The following ESR1 variants were observed in gnomAD, a reference collection of about 807,000 sequenced individuals.
The protein encoded by ESR1 is estrogen receptor.
Under a neutral mutation model 52.7 loss-of-function variants are expected in ESR1, and 12 were observed. The ratio of observed to expected loss-of-function variants is 0.23; its 90% confidence interval spans 0.15 to 0.37. The LOEUF is 0.37. Among genes scored for constraint, ESR1 ranks in the 10% least tolerant of loss-of-function variants. The pLI, the probability that ESR1 is intolerant of heterozygous loss-of-function variation, is 1.00. For synonymous variants in ESR1, 305 were observed against 316.8 expected (o/e 0.96, Z 0.39); for missense variants, 584 against 779.7 (o/e 0.75, Z 2.99).
At chr6:152,118,703 C>G (rs2051239565) in intron 6 of ESR1, among the ~76,000 whole-genome samples, 1 of 152,022 alleles carries the variant, frequency 6.6e-6, no homozygotes, top group Non-Finnish European at 1.5e-5. Context: ...ATAGGTGCAG[C>G]AAACCACCAT....
chr6:151,894,009 C>T (rs1795080735), intron 3 of ESR1, among the ~76,000 whole-genome samples: 1 of 152,190 alleles, frequency 6.6e-6, no homozygotes. Context: ...TTTACATTCC[C>T]ACCAGCAGTA....
chr6:152,103,120 C>T lies in ESR1; in HGVS notation c.*4154C>T, dbSNP rs1183441202. ...GCCCTTTTGCCGATGCATACTATTA[C>T]TGATGTGACTCGGTTTTGTCGCAGC... On this transcript the variant is annotated 3_prime_UTR_variant, in exon 8 of 8. Coordinates refer to ENST00000206249, the MANE Select transcript of ESR1 (RefSeq NM_000125.4). 1 of 215,092 alleles carries T rather than the reference C, an allele frequency of 4.6e-6. No homozygotes were observed. Among genetic ancestry groups the T allele is most frequent in the Non-Finnish European group, 9.4e-6 (1 of 106,412 alleles). 13.3% of individuals were successfully genotyped at this position (215,092 alleles called of 1,614,324 possible). A position where few individuals can be genotyped will look rare whatever the true frequency, so the allele number is the denominator to read the frequency against.
rs552648787 is a variant in ESR1, at chr6:151,736,165, T to G, written c.-71+34160T>G. 5.3e-4 allele frequency among the ~76,000 whole-genome samples: 80 copies of G among 152,294 alleles called. 1 individual carries two copies. The highest frequency in any genetic ancestry group is 2.5e-3 in the South Asian group (12 of 4,818). On this transcript the variant is annotated intron_variant, in intron 2 of 2. Coordinates refer to the ESR1 transcript ENST00000404742. ...CCTTTTTAAACTTGGAAGGCCAAAT[T>G]AATACTGTCCTTTCCATTATAAGAA...
intron 3 of ESR1, among the ~76,000 whole-genome samples, chr6:151,928,285 G>A (rs990117249): frequency 3.3e-5 from 5 of 152,074 alleles, no homozygotes; most frequent in Non-Finnish European, 7.3e-5. Flanking sequence ...TCCCTTAAAT[G>A]TGCTCAGAAC....
intron 1 of ESR1, among the ~76,000 whole-genome samples, chr6:151,815,853 T>C (rs1365932405): frequency 6.6e-6 from 1 of 152,236 alleles, no homozygotes; most frequent in African/African-American, 2.4e-5. Flanking sequence ...CCTCAGACTA[T>C]AAACAAGTGT....
chr6:151,799,154 T>C (rs1391455145), intron 2 of ESR1, among the ~76,000 whole-genome samples: 4 of 152,218 alleles, frequency 2.6e-5, no homozygotes, highest in African/African-American at 7.2e-5. Context: ...ATGCGGCATC[T>C]ACCCAGAGAG....
chr6:151,775,470 A>G (rs562645325), intron 2 of ESR1, among the ~76,000 whole-genome samples: 6 of 152,234 alleles, frequency 3.9e-5, no homozygotes, highest in South Asian at 4.1e-4. Flanking sequence ...AGTCCTGGCC[A>G]GGCGCGGTGG....
chr6:151,946,648 T>C (rs1260896382), intron 4 of ESR1, among the ~76,000 whole-genome samples: 1 of 152,188 alleles, frequency 6.6e-6, no homozygotes, highest in African/African-American at 2.4e-5. Flanking sequence ...TATGTCTTCT[T>C]ACTTGATAAT....
At chr6:151,835,262 T>C (rs375781832) in intron 1 of ESR1, among the ~76,000 whole-genome samples, 4 of 152,070 alleles carry the variant, frequency 2.6e-5, no homozygotes, top group East Asian at 3.9e-4. Flanking sequence ...TGAGGTTTCT[T>C]TGGTTTGTTC....
chr6:152,038,935 T>A (rs1431935554), intron 5 of ESR1, among the ~76,000 whole-genome samples: 1 of 152,216 alleles, frequency 6.6e-6, no homozygotes, highest in Admixed American at 6.5e-5. Context: ...CCTCCCAGGT[T>A]GTAAGCCACT....
chr6:151,928,369 G>A (rs766745914), intron 3 of ESR1, among the ~76,000 whole-genome samples: 3 of 152,124 alleles, frequency 2.0e-5, no homozygotes, highest in African/African-American at 4.8e-5. Flanking sequence ...GGTTTACCCC[G>A]ATGATCACAT....
intron 1 of ESR1, among the ~76,000 whole-genome samples, chr6:151,696,105 G>A (rs1013548484): frequency 2.6e-5 from 4 of 152,110 alleles, no homozygotes; most frequent in African/African-American, 9.7e-5. Flanking sequence ...TTTAAGAAAT[G>A]AGTAATATTG....
At chr6:151,819,200 G>A (rs148858718) in intron 1 of ESR1, among the ~76,000 whole-genome samples, 1 of 152,304 alleles carries the variant, frequency 6.6e-6, no homozygotes, top group East Asian at 1.9e-4. Context: ...TGTTCGGTGT[G>A]CATTGTGTGC....
chr6:151,679,996 T>A (rs549651081), intron 1 of ESR1, among the ~76,000 whole-genome samples: 1 of 152,300 alleles, frequency 6.6e-6, no homozygotes, highest in South Asian at 2.1e-4. Context: ...CTTAGCACTG[T>A]CACCATCTGA....
At position 151,870,040 on chromosome 6, in the gene ESR1, T is replaced by C. The variant is rs1047899131; in HGVS notation, c.644-10615T>C. Among the ~76,000 whole-genome samples the C allele has an allele frequency of 5.3e-4, 80 of 152,340 alleles. 1 individual carries two copies. The highest frequency in any genetic ancestry group is 3.4e-3 in the Middle Eastern group (1 of 294). On this transcript the variant is annotated intron_variant, in intron 2 of 7. Transcript: ENST00000206249. ...TGTTCACTGAGACAGCCAAATCCTA[T>C]TTCATTTTCTTTGGCTCATTGCATT...
chr6:151,939,581 A>C (rs1278612630), intron 3 of ESR1, among the ~76,000 whole-genome samples: 1 of 152,104 alleles, frequency 6.6e-6, no homozygotes, highest in Non-Finnish European at 1.5e-5. Context: ...TTGAAATAGA[A>C]GTCGCATCCT....
intron 2 of ESR1, among the ~76,000 whole-genome samples, chr6:151,748,378 A>G (rs965703111): frequency 7.2e-5 from 11 of 152,214 alleles, no homozygotes; most frequent in Admixed American, 5.2e-4. Flanking sequence ...TTATCACTTA[A>G]TAATATACCT....
chr6:151,717,551 T>G (rs944113498), intron 2 of ESR1, among the ~76,000 whole-genome samples: 10 of 152,326 alleles, frequency 6.6e-5, no homozygotes, highest in Admixed American at 2.0e-4. Flanking sequence ...AAGATTAATT[T>G]TCTTCATATT....
intron 2 of ESR1, among the ~76,000 whole-genome samples, chr6:151,745,187 C>T (rs575936188): frequency 6.6e-6 from 1 of 152,290 alleles, no homozygotes; most frequent in East Asian, 1.9e-4. Context: ...CAGGTCCTAT[C>T]TAGCATGACC....
Sources: gnomAD v4.1 joint callset for allele counts (sites outside exome capture counted in the v4.1 genomes callset) on GRCh38, gnomAD v4.1.1 for gene constraint, MANE v1.5 for transcripts, NCBI Gene and HGNC (gene_info 2026-07-23, HGNC 2026-07-21) for gene names.